FIG4: variants seen among roughly 807,000 people sequenced by gnomAD.
The protein encoded by FIG4 is FIG4 phosphoinositide 5-phosphatase, also known as polyphosphoinositide phosphatase.
In FIG4, 112 loss-of-function variants were observed where a neutral mutation model predicts 118.6. The observed-to-expected ratio is 0.94, with a 90% CI of 0.81 to 1.11. The LOEUF (loss-of-function observed/expected upper bound fraction) is 1.11. FIG4 is among the 50% of genes least tolerant of loss of function. The pLI is 0.00. For synonymous variants in FIG4, 369 were observed against 381.2 expected (o/e 0.97, Z 0.37); for missense variants, 969 against 1,111.7 (o/e 0.87, Z 1.83).
Position 109,743,740 on chromosome 6 carries a change from G to T in FIG4, c.1105G>T (p.Gly369Cys). ...LHFDQMFQRF[G>C]SPIIILNLVK... ...CTTTGACCAGATGTTCCAGAGGTTTGGCTCTCCCATCATCATCTTGAATTT... is the reference window on the plus strand; with the variant it reads ...CTTTGACCAGATGTTCCAGAGGTTTTGCTCTCCCATCATCATCTTGAATTT... Residue 369 changes from glycine (G) to cysteine (C), a missense_variant, in exon 10 of 23, where the codon GGC (glycine) becomes TGC (cysteine). Gly to Cys is a radical substitution (Grantham distance 159). Coordinates refer to ENST00000230124, the MANE Select transcript of FIG4 (RefSeq NM_014845.6). 6.2e-7 allele frequency: 1 copy of T among 1,612,758 alleles called. No homozygotes were observed. Among genetic ancestry groups the T allele is most frequent in the Non-Finnish European group, 8.5e-7 (1 of 1,179,160 alleles).
At chr6:109,776,778 T>C in intron 15 of FIG4, 144 bp from the exon 16 acceptor site, 1 of 664,750 alleles carries the variant, frequency 1.5e-6, no homozygotes, top group Non-Finnish European at 2.6e-6. Context: ...TGGTAACTTA[T>C]GTGTGTGTGT....
chr6:109,789,973 T>A (rs1352882839), intron 19 of FIG4, among the ~76,000 whole-genome samples: 1 of 152,232 alleles, frequency 6.6e-6, no homozygotes, highest in African/African-American at 2.4e-5. Context: ...AGTAAAAATT[T>A]GTATTTATTA....
intron 3 of FIG4, among the ~76,000 whole-genome samples, chr6:109,726,780 C>T (rs536037190): frequency 6.6e-6 from 1 of 152,122 alleles, no homozygotes; most frequent in Non-Finnish European, 1.5e-5. Context: ...TCTCTTACTT[C>T]CTTGAGCAGT....
chr6:109,750,159 C>T lies in FIG4; in HGVS notation c.1137+6387C>T, dbSNP rs9480998. Among the ~76,000 whole-genome samples the T allele has an allele frequency of 5.3e-3, 804 of 152,274 alleles. 9 individuals are homozygous for T. Among genetic ancestry groups the T allele is most frequent in the African/African-American group, 0.019 (777 of 41,552 alleles). The stretch of plus-strand genomic sequence containing the variant: ...TTCATTTCTCTTTTACCCTGTGTTG[C>T]GAACTTCTTCCCAGTTGTGAAAGTT... On this transcript the variant is annotated intron_variant, in intron 10 of 22. Transcript: ENST00000230124.
rs1777189357 is a variant in FIG4 at position 109,763,918 on chromosome 6, T to G, written c.1389-19T>G. On this transcript the variant is annotated intron_variant, in intron 12 of 22. Transcript: ENST00000230124. Reference sequence around the variant, plus strand: ...ATTCTGCCATTAAGTTTTTTAAAAGTGTTTATTTTTAAACACAGGTGGAAT... The same window carrying G: ...ATTCTGCCATTAAGTTTTTTAAAAGGGTTTATTTTTAAACACAGGTGGAAT... 1 of 1,586,050 alleles carries G rather than the reference T, an allele frequency of 6.3e-7. No homozygotes were observed. The highest frequency in any genetic ancestry group is 8.7e-7 in the Non-Finnish European group (1 of 1,154,508).
intron 1 of FIG4, among the ~76,000 whole-genome samples, chr6:109,712,104 G>A (rs978142194): frequency 1.3e-5 from 2 of 152,134 alleles, no homozygotes; most frequent in African/African-American, 4.8e-5. Flanking sequence ...CTGGCTTTTA[G>A]GGCTTCAGCT....
intron 10 of FIG4, among the ~76,000 whole-genome samples, chr6:109,750,735 C>A (rs955509205): frequency 1.3e-5 from 2 of 152,124 alleles, no homozygotes; most frequent in African/African-American, 4.8e-5. Context: ...ACTAACAACC[C>A]ACTAACACTA....
At chr6:109,764,778 T>G (rs1777229633) in intron 13 of FIG4, among the ~76,000 whole-genome samples, 1 of 152,244 alleles carries the variant, frequency 6.6e-6, no homozygotes, top group African/African-American at 2.4e-5. Flanking sequence ...CCAGAAGATT[T>G]AACGGTGCTG....
At chr6:109,747,255 T>C (rs1776529782) in intron 10 of FIG4, among the ~76,000 whole-genome samples, 1 of 151,986 alleles carries the variant, frequency 6.6e-6, no homozygotes, top group African/African-American at 2.4e-5. Flanking sequence ...TGGGCATGGA[T>C]GAGATGCCCA....
At chr6:109,726,737 G>C (rs1006588824) in intron 3 of FIG4, among the ~76,000 whole-genome samples, 16 of 152,182 alleles carry the variant, frequency 1.1e-4, no homozygotes, top group African/African-American at 3.9e-4. Flanking sequence ...TCTTATCCAT[G>C]AGCATAGAAT....
intron 1 of FIG4, among the ~76,000 whole-genome samples, chr6:109,691,725 C>A (rs1175347955): frequency 1.3e-5 from 2 of 152,176 alleles, no homozygotes; most frequent in Non-Finnish European, 2.9e-5. Context: ...GGTCCACTTA[C>A]AAGCCATGGC....
chr6:109,704,355 TA>T (rs1228670896), intron 1 of FIG4, among the ~76,000 whole-genome samples: 1 of 151,954 alleles, frequency 6.6e-6, no homozygotes, highest in Non-Finnish European at 1.5e-5. Flanking sequence ...AAAATGTATG[TA>T]AAAAAATGTG....
At chr6:109,766,608 A>G (rs1777286866) in intron 14 of FIG4, 121 bp from the exon 15 acceptor site, 3 of 786,348 alleles carry the variant, frequency 3.8e-6, no homozygotes, top group South Asian at 1.4e-5. Flanking sequence ...GATATTGAAG[A>G]ATCTAACTTG....
chr6:109,778,023 A>G (rs772806836), intron 16 of FIG4, among the ~76,000 whole-genome samples: 1 of 152,130 alleles, frequency 6.6e-6, no homozygotes, highest in Non-Finnish European at 1.5e-5. Flanking sequence ...AATATAATCA[A>G]TTTTGCCACA....
intron 1 of FIG4, among the ~76,000 whole-genome samples, chr6:109,699,965 C>T (rs1456714546): frequency 6.6e-6 from 1 of 152,206 alleles, no homozygotes. Flanking sequence ...GCTGTGTCCA[C>T]ACACAATGGA....
At chr6:109,767,998 A>G (rs1270368139) in intron 15 of FIG4, among the ~76,000 whole-genome samples, 1 of 152,178 alleles carries the variant, frequency 6.6e-6, no homozygotes, top group Non-Finnish European at 1.5e-5. Context: ...TGTTGAAGAG[A>G]CGCAGCATGT....
intron 11 of FIG4, among the ~76,000 whole-genome samples, chr6:109,760,597 T>G (rs538538519): frequency 6.6e-6 from 1 of 152,238 alleles, no homozygotes; most frequent in African/African-American, 2.4e-5. Flanking sequence ...TTGAAATATT[T>G]AGTCATTTCA....
At chr6:109,716,676 T>A in intron 3 of FIG4, 108 bp downstream of exon 3, 1 of 1,271,812 alleles carries the variant, frequency 7.9e-7, no homozygotes, top group Non-Finnish European at 1.1e-6. Context: ...AAATTATAAT[T>A]ACCTGTAGCT....
In FIG4 at chr6:109,691,438, G is replaced by GCCCACGGCCGCCGCCCCCATC; in HGVS notation, c.4_24dup (p.Pro2_Ile8dup). On this transcript the variant is annotated inframe_insertion, in exon 1 of 23. Coordinates refer to ENST00000230124, the MANE Select transcript of FIG4 (RefSeq NM_014845.6). ...TGGGGCCCCCATTTGCCGCCGCCATGCCCACGGCCGCCGCCCCCATCATCA... is the reference window on the plus strand; with the variant it reads ...TGGGGCCCCCATTTGCCGCCGCCATGCCCACGGCCGCCGCCCCCATCCCCACGGCCGCCGCCCCCATCATCA... 6.3e-7 allele frequency: 1 copy of GCCCACGGCCGCCGCCCCCATC among 1,578,632 alleles called. No homozygotes were observed. The highest frequency in any genetic ancestry group is 8.6e-7 in the Non-Finnish European group (1 of 1,161,970).
Sources: allele counts gnomAD v4.1 joint callset (sites outside exome capture counted in the v4.1 genomes callset), GRCh38; gene constraint gnomAD v4.1.1; transcripts MANE v1.5; gene names NCBI Gene and HGNC (gene_info 2026-07-23, HGNC 2026-07-21).